The following HIVEP3 variants were observed in gnomAD, a reference collection of about 807,000 sequenced individuals.
HIVEP3 encodes the protein transcription factor HIVEP3.
A neutral mutation model predicts 152.8 loss-of-function variants in HIVEP3; 49 were observed. That is an observed-to-expected ratio of 0.32 (90% CI 0.26 to 0.41). The LOEUF is 0.41. HIVEP3 is among the 10% of genes least tolerant of loss of function. HIVEP3 has a pLI of 1.00. For synonymous variants in HIVEP3, 1,269 were observed against 1,289.0 expected (o/e 0.98, Z 0.33); for missense variants, 2,790 against 3,103.3 (o/e 0.90, Z 2.40).
At chr1:41,966,475 C>CTTTTTTT (rs58470482) in intron 1 of HIVEP3, among the ~76,000 whole-genome samples, 1 of 95,810 alleles carries the variant, frequency 1.0e-5, no homozygotes, top group Non-Finnish European at 1.9e-5. Flanking sequence ...GTGCTGTATT[C>CTTTTTTT]TTTTTTTTTT....
chr1:41,583,538 G>T lies in HIVEP3; in HGVS notation c.1260C>A (p.Gly420=), dbSNP rs561046645. 6.2e-7 allele frequency: 1 copy of T among 1,614,124 alleles called. No homozygotes were observed. Among genetic ancestry groups the T allele is most frequent in the South Asian group, 1.1e-5 (1 of 91,082 alleles). ...TCCGCTGTCCTATTCGCCCACACTT[G>T]CCAAAGATGATCTCAGCGTAGGACT... ...NAKSYAEIIF[G]KCGRIGQRTA... Residue 420 remains glycine (G), a synonymous_variant, in exon 4 of 9, where the codon GGC becomes GGA. Transcript: ENST00000372583. This position sits in a 1 kb window ranked among gnomAD's most constrained non-coding sequence, Gnocchi z 6.9.
intron 1 of HIVEP3, among the ~76,000 whole-genome samples, chr1:41,701,346 C>G (rs938462800): frequency 1.3e-5 from 2 of 152,254 alleles, no homozygotes; most frequent in African/African-American, 4.8e-5. Flanking sequence ...CATTGTAATT[C>G]ACTCATTCTT....
At chr1:41,622,508 C>T (rs894000821) in intron 3 of HIVEP3, among the ~76,000 whole-genome samples, 3 of 152,136 alleles carry the variant, frequency 2.0e-5, no homozygotes, top group Non-Finnish European at 2.9e-5. Flanking sequence ...TGCCTGTTTT[C>T]GTACATAAAA....
chr1:41,814,862 G>A (rs1318499877), intron 1 of HIVEP3, among the ~76,000 whole-genome samples: 8 of 152,136 alleles, frequency 5.3e-5, no homozygotes, highest in Non-Finnish European at 7.3e-5. Context: ...ACTGCCCATT[G>A]ATTCAAAAGC....
chr1:41,594,235 T>G (rs1333998942), intron 3 of HIVEP3, among the ~76,000 whole-genome samples: 1 of 152,212 alleles, frequency 6.6e-6, no homozygotes, highest in Non-Finnish European at 1.5e-5. Flanking sequence ...TTTATTATTA[T>G]TTTTTGAAAT....
intron 3 of HIVEP3, among the ~76,000 whole-genome samples, chr1:41,607,243 G>A (rs977749964): frequency 5.3e-5 from 8 of 152,134 alleles, no homozygotes; most frequent in African/African-American, 1.9e-4. Flanking sequence ...CTGAACCTCT[G>A]GATCTATCCT....
intron 3 of HIVEP3, among the ~76,000 whole-genome samples, chr1:41,623,027 A>G (rs1050868964): frequency 6.6e-6 from 1 of 152,228 alleles, no homozygotes; most frequent in African/African-American, 2.4e-5. Context: ...CGCAGCCAGT[A>G]TGAGACAGAG....
chr1:41,938,546 A>G (rs1418737851), intron 1 of HIVEP3, among the ~76,000 whole-genome samples: 1 of 152,158 alleles, frequency 6.6e-6, no homozygotes, highest in Non-Finnish European at 1.5e-5. Flanking sequence ...CATCTAGAAC[A>G]CTCAAAAAGA....
At position 41,700,887 on chromosome 1, in the gene HIVEP3, G is replaced by T. The variant is rs12072478; in HGVS notation, c.-721+29C>A. On this transcript the variant is annotated intron_variant, in intron 2 of 8. Transcript: ENST00000372583. ...CTTTGGGCTGTGCTGAAACTGCCCT[G>T]TGTCCTGTGGGGGATGGGGAGGGCT... 7,138 of 949,140 alleles carry T rather than the reference G, an allele frequency of 7.5e-3. 418 individuals are homozygous for T. The African/African-American group carries it at 0.12, about 16-fold the overall frequency. The allele number at this position is 949,140 out of a possible 1,614,324, so 58.8% of individuals were successfully genotyped here. A position where few individuals can be genotyped will look rare whatever the true frequency, so the allele number is the denominator to read the frequency against.
At chr1:41,550,751 C>T (rs964272328) in intron 5 of HIVEP3, among the ~76,000 whole-genome samples, 21 of 152,202 alleles carry the variant, frequency 1.4e-4, no homozygotes, top group Non-Finnish European at 7.3e-5. Flanking sequence ...GCTGAAGTTG[C>T]TTATCAGCTT....
chr1:42,031,745 CCACATA>C (rs542958973), intron 1 of HIVEP3, among the ~76,000 whole-genome samples: 10 of 152,194 alleles, frequency 6.6e-5, no homozygotes, highest in South Asian at 2.1e-4. Flanking sequence ...AGTTTTTTTC[CCACATA>C]CACAATATCT....
chr1:41,671,384 T>C (rs1231093391), intron 2 of HIVEP3, among the ~76,000 whole-genome samples: 1 of 152,236 alleles, frequency 6.6e-6, no homozygotes, highest in African/African-American at 2.4e-5. Context: ...GATGCAGCTC[T>C]GTCTGGGATT....
At chr1:41,855,047 G>T (rs2124388746) in intron 1 of HIVEP3, among the ~76,000 whole-genome samples, 1 of 114,520 alleles carries the variant, frequency 8.7e-6, no homozygotes, top group East Asian at 2.2e-4. Context: ...CCCAGTAATG[G>T]GATGGCTGGG....
intron 2 of HIVEP3, among the ~76,000 whole-genome samples, chr1:41,667,491 A>G (rs1233309947): frequency 6.6e-6 from 1 of 152,266 alleles, no homozygotes; most frequent in East Asian, 1.9e-4. Flanking sequence ...GTTCCAGGAA[A>G]TCAGAAGATT....
intron 5 of HIVEP3, among the ~76,000 whole-genome samples, chr1:41,549,900 T>C (rs1643877433): frequency 6.6e-6 from 1 of 152,258 alleles, no homozygotes; most frequent in African/African-American, 2.4e-5. Context: ...TTGTCTATTT[T>C]GGCTTTTGTT....
rs747314389 is a variant in HIVEP3 at position 41,582,031 on chromosome 1, C to T, written c.2767G>A (p.Glu923Lys). Residue 923 changes from glutamate to lysine, a missense_variant, in exon 4 of 9, where the codon GAG (glutamate) becomes AAG (lysine). Glu to Lys is a moderately conservative substitution (Grantham distance 56, BLOSUM62 1). Around this residue, in one of 9 missense-constraint regions of HIVEP3, gnomAD observed 1,078 missense variants for 1,165.3 expected, o/e 0.93. Transcript: ENST00000372583. The surrounding 1 kb of genome is among the most constrained non-coding windows in gnomAD (Gnocchi z 4.7). ...CTGCGAGACAGAGGCACAGAGGACTCGAAGCTGGACTCCCCTGATGATTGG... is the reference window on the plus strand; with the variant it reads ...CTGCGAGACAGAGGCACAGAGGACTTGAAGCTGGACTCCCCTGATGATTGG... ...MAQSSGESSF[E>K]SSVPLSRSPS... The T allele has an allele frequency of 4.3e-6, 7 of 1,614,156 alleles. No individual in the cohort carries two copies. The highest frequency in any genetic ancestry group is 2.2e-5 in the East Asian group (1 of 44,874).
chr1:41,540,653 C>T (rs917713052), intron 5 of HIVEP3, among the ~76,000 whole-genome samples: 20 of 152,212 alleles, frequency 1.3e-4, no homozygotes, highest in African/African-American at 4.3e-4. Flanking sequence ...TGTCTTTGGA[C>T]ACCTCAGGTC....
chr1:41,552,086 T>G (rs1342891409), intron 5 of HIVEP3, among the ~76,000 whole-genome samples: 2 of 152,260 alleles, frequency 1.3e-5, no homozygotes, highest in African/African-American at 4.8e-5. Flanking sequence ...ATTGTGTCTT[T>G]GTTCTCATTG....
At position 41,664,520 on chromosome 1, in the gene HIVEP3, G is replaced by C. The variant is rs1431971690; in HGVS notation, c.-720-35573C>G. Among the ~76,000 whole-genome samples the C allele has an allele frequency of 6.6e-6, 1 of 152,214 alleles. No individual in the cohort carries two copies. Among genetic ancestry groups the C allele is most frequent in the Admixed American group, 6.5e-5 (1 of 15,286 alleles). On this transcript the variant is annotated intron_variant, in intron 2 of 8. Transcript: ENST00000372583. The surrounding 1 kb of genome is among the most constrained non-coding windows in gnomAD (Gnocchi z 4.4). ...TGCCCATCACCTCACATTGAAGTCA[G>C]TTATTGGGGGCCTCCTCTTCCTCAG...
Sources: allele counts gnomAD v4.1 joint callset (sites outside exome capture counted in the v4.1 genomes callset), GRCh38; gene constraint gnomAD v4.1.1; regional missense constraint gnomAD v4.1.1; non-coding constraint Gnocchi (gnomAD v3.1); transcripts MANE v1.5; gene names NCBI Gene and HGNC (gene_info 2026-07-23, HGNC 2026-07-21).